The following UBE2H variants were observed in gnomAD, a reference collection of about 807,000 sequenced individuals.
UBE2H encodes the protein ubiquitin-conjugating enzyme E2 H.
Under a neutral mutation model 29.0 loss-of-function variants are expected in UBE2H, and 3 were observed. The ratio of observed to expected loss-of-function variants is 0.10; its 90% CI spans 0.05 to 0.27. UBE2H has a LOEUF of 0.27. UBE2H is among the 10% of genes least tolerant of loss of function. UBE2H has a pLI of 1.00. For synonymous variants in UBE2H, 69 were observed against 82.9 expected (o/e 0.83, Z 0.91); for missense variants, 68 against 228.2 (o/e 0.30, Z 4.52).
chr7:129,928,260 G>A (rs936482459), intron 1 of UBE2H, among the ~76,000 whole-genome samples: 1 of 151,672 alleles, frequency 6.6e-6, no homozygotes, highest in Non-Finnish European at 1.5e-5. Context: ...CCAGCCTGGC[G>A]ACAGAGCAAG....
intron 5 of UBE2H, among the ~76,000 whole-genome samples, chr7:129,856,296 G>A (rs1476860561): frequency 2.6e-5 from 4 of 152,188 alleles, no homozygotes; most frequent in Non-Finnish European, 5.9e-5. Context: ...GTTAAGCTCA[G>A]CCTCAACTGA....
In UBE2H at chr7:129,952,624, GC is replaced by G. The variant is rs901037614; in HGVS notation, c.-70del. The G allele has an allele frequency of 6.4e-6, 10 of 1,555,440 alleles. No homozygotes were observed. Among genetic ancestry groups the G allele is most frequent in the Non-Finnish European group, 8.7e-6 (10 of 1,151,322 alleles). ...GGGCCCGGGGCCCCGGCTCTGAGGA[GC>G]CCGCGGCCGCGCCGGCTCCTCGGTG... is the stretch of plus-strand genomic sequence containing the variant. On this transcript the variant is annotated 5_prime_UTR_variant, in exon 1 of 7. Coordinates refer to ENST00000355621, the MANE Select transcript of UBE2H (RefSeq NM_003344.4).
At chr7:129,904,697 T>C (rs1190398621) in intron 1 of UBE2H, among the ~76,000 whole-genome samples, 1 of 152,126 alleles carries the variant, frequency 6.6e-6, no homozygotes. Context: ...ACTGGTTAAA[T>C]GAATAGTGTG....
intron 1 of UBE2H, among the ~76,000 whole-genome samples, chr7:129,917,961 G>A (rs748563744): frequency 4.2e-4 from 64 of 152,240 alleles, no homozygotes; most frequent in Middle Eastern, 6.8e-3. Context: ...GTATGCACAC[G>A]CGAATAAGTG....
At chr7:129,938,184 G>C (rs1807568091) in intron 1 of UBE2H, among the ~76,000 whole-genome samples, 1 of 152,048 alleles carries the variant, frequency 6.6e-6, no homozygotes, top group South Asian at 2.1e-4. Flanking sequence ...GCCAAGGCAA[G>C]AGGATTGCTT....
chr7:129,841,268 T>TA (rs1472849008), intron 5 of UBE2H, among the ~76,000 whole-genome samples: 2 of 152,240 alleles, frequency 1.3e-5, no homozygotes, highest in African/African-American at 4.8e-5. Flanking sequence ...GCTGTATTCC[T>TA]ATAAAACTAC....
chr7:129,934,259 T>G (rs1239534794), intron 1 of UBE2H, among the ~76,000 whole-genome samples: 2 of 151,144 alleles, frequency 1.3e-5, no homozygotes, highest in African/African-American at 4.9e-5. Context: ...GAGGTGGAGG[T>G]TGCAGTGAGC....
intron 5 of UBE2H, among the ~76,000 whole-genome samples, chr7:129,856,380 A>G (rs1258015098): frequency 6.6e-6 from 1 of 152,182 alleles, no homozygotes; most frequent in African/African-American, 2.4e-5. Context: ...ATACTGGTGA[A>G]GGGCACTGTG....
At chr7:129,891,496 TA>T (rs1448273502) in intron 1 of UBE2H, among the ~76,000 whole-genome samples, 2 of 152,072 alleles carry the variant, frequency 1.3e-5, no homozygotes, top group African/African-American at 4.8e-5. Flanking sequence ...AACAGGAACT[TA>T]ATTTTTTTAA....
At position 129,952,647 on chromosome 7, in the gene UBE2H, G is replaced by C. The variant is rs1028285388; in HGVS notation, c.-92C>G. On this transcript the variant is annotated 5_prime_UTR_variant, in exon 1 of 7. Transcript: ENST00000355621. The stretch of plus-strand genomic sequence containing the variant: ...GAGCCCGCGGCCGCGCCGGCTCCTC[G>C]GTGGAGGTGGCAACACCCCCGCGGT... 6.7e-6 allele frequency: 10 copies of C among 1,482,936 alleles called. 1 individual carries two copies. The South Asian group carries it at 7.3e-5, about 11-fold the overall frequency. The allele number at this position is 1,482,936 out of a possible 1,614,324, so 91.9% of individuals were successfully genotyped here. A position where few individuals can be genotyped will look rare whatever the true frequency, so the allele number is the denominator to read the frequency against.
intron 6 of UBE2H, 138 bp downstream of exon 6, chr7:129,839,069 T>TAC: frequency 7.7e-7 from 1 of 1,305,044 alleles, no homozygotes; most frequent in Non-Finnish European, 1.0e-6. Context: ...TGGTGAGCAC[T>TAC]ACTTCAGCCC....
At chr7:129,894,193 C>T (rs1428398313) in intron 1 of UBE2H, among the ~76,000 whole-genome samples, 5 of 152,214 alleles carry the variant, frequency 3.3e-5, no homozygotes, top group South Asian at 4.2e-4. Flanking sequence ...GTGGCTCACG[C>T]CTGTAATTCC....
At chr7:129,926,886 T>A (rs1807281267) in intron 1 of UBE2H, among the ~76,000 whole-genome samples, 1 of 152,188 alleles carries the variant, frequency 6.6e-6, no homozygotes. Context: ...CGCCACGCTC[T>A]AGTACATACT....
intron 1 of UBE2H, among the ~76,000 whole-genome samples, chr7:129,929,869 T>C (rs1157530953): frequency 6.6e-6 from 1 of 151,938 alleles, no homozygotes; most frequent in Non-Finnish European, 1.5e-5. Context: ...ATTAGCCAGG[T>C]GTGGTGGCAG....
Position 129,952,781 on chromosome 7 carries a change from T to C in UBE2H, c.-226A>G. ...TGCGGCGCCCGGCTCGGGCTGCCCC[T>C]CTCCGGCTGTGGTTCCGCCGCGGCC... On this transcript the variant is annotated 5_prime_UTR_variant, in exon 1 of 7. Transcript: ENST00000355621. The C allele has an allele frequency of 2.9e-6, 1 of 342,104 alleles. No homozygotes were observed. The highest frequency in any genetic ancestry group is 1.3e-4 in the South Asian group (1 of 7,412). The allele number at this position is 342,104 out of a possible 1,614,324, so 21.2% of individuals were successfully genotyped here.
At chr7:129,942,212 C>CAAAA (rs966117564) in intron 1 of UBE2H, among the ~76,000 whole-genome samples, 5 of 36,720 alleles carry the variant, frequency 1.4e-4, no homozygotes, top group Admixed American at 2.9e-4. Flanking sequence ...GACTCGGTCT[C>CAAAA]AAAAAAAAAA....
chr7:129,920,416 TA>T (rs1563046610), intron 1 of UBE2H, among the ~76,000 whole-genome samples: 1 of 152,068 alleles, frequency 6.6e-6, no homozygotes, highest in Non-Finnish European at 1.5e-5. Context: ...GGAAATAACC[TA>T]AATGTGCATT....
intron 1 of UBE2H, among the ~76,000 whole-genome samples, chr7:129,931,555 G>C (rs1040717599): frequency 2.0e-5 from 3 of 151,806 alleles, no homozygotes; most frequent in Non-Finnish European, 4.4e-5. Context: ...GAATAACATA[G>C]TAAGAACAGT....
chr7:129,899,662 A>C (rs1490778319), intron 1 of UBE2H, among the ~76,000 whole-genome samples: 1 of 152,258 alleles, frequency 6.6e-6, no homozygotes, highest in East Asian at 1.9e-4. Context: ...AGAGAAGGCT[A>C]ATCAATTAAA....
Sources: allele counts gnomAD v4.1 joint callset (sites outside exome capture counted in the v4.1 genomes callset), GRCh38; gene constraint gnomAD v4.1.1; transcripts MANE v1.5; gene names NCBI Gene and HGNC (gene_info 2026-07-23, HGNC 2026-07-21).